LRRC4C: variants seen among roughly 807,000 people sequenced by gnomAD.
LRRC4C encodes the protein leucine rich repeat containing 4C.
Under a neutral mutation model 33.6 loss-of-function variants are expected in LRRC4C, and 5 were observed. The ratio of observed to expected loss-of-function variants is 0.15; its 90% CI spans 0.08 to 0.31. LRRC4C has a LOEUF of 0.31. LRRC4C is among the 10% of genes least tolerant of loss of function. LRRC4C has a pLI of 1.00. For missense variants in LRRC4C, 560 were observed against 796.7 expected (o/e 0.70, Z 3.58); for synonymous variants, 329 against 302.0 (o/e 1.09, Z -0.93).
intron 1 of LRRC4C, among the ~76,000 whole-genome samples, chr11:41,269,741 A>C (rs1416830991): frequency 2.0e-5 from 3 of 152,066 alleles, no homozygotes; most frequent in African/African-American, 7.2e-5. Flanking sequence ...CCTTTATAAT[A>C]ATTTTGGCTT....
intron 2 of LRRC4C, among the ~76,000 whole-genome samples, chr11:40,795,792 A>G (rs1445806037): frequency 6.6e-6 from 1 of 152,226 alleles, no homozygotes; most frequent in African/African-American, 2.4e-5. Context: ...TTTGTGGATT[A>G]TGAAAGACCA....
intron 2 of LRRC4C, among the ~76,000 whole-genome samples, chr11:40,710,942 C>T (rs1000208097): frequency 3.3e-5 from 5 of 152,138 alleles, no homozygotes; most frequent in Non-Finnish European, 5.9e-5. Flanking sequence ...TGCTGCCTCG[C>T]AATATGATCT....
chr11:40,597,087 A>G (rs1959409767), intron 3 of LRRC4C, among the ~76,000 whole-genome samples: 3 of 146,250 alleles, frequency 2.1e-5, no homozygotes, highest in South Asian at 4.5e-4. Context: ...TATTCACAGA[A>G]AAATCATCAG....
intron 3 of LRRC4C, among the ~76,000 whole-genome samples, chr11:40,467,651 G>A (rs999091347): frequency 6.6e-6 from 1 of 152,120 alleles, no homozygotes; most frequent in African/African-American, 2.4e-5. Flanking sequence ...GCAGAAATGA[G>A]TAGATTGTTA....
intron 4 of LRRC4C, among the ~76,000 whole-genome samples, chr11:40,295,179 A>G (rs1046130858): frequency 3.9e-5 from 6 of 152,170 alleles, no homozygotes; most frequent in Non-Finnish European, 7.3e-5. Flanking sequence ...TATTAATATT[A>G]TGTTTACATT....
intron 1 of LRRC4C, among the ~76,000 whole-genome samples, chr11:41,453,697 A>G (rs1956095605): frequency 6.6e-6 from 1 of 151,780 alleles, no homozygotes; most frequent in Non-Finnish European, 1.5e-5. Context: ...TGTATGTGAG[A>G]AGTATAAATA....
intron 1 of LRRC4C, among the ~76,000 whole-genome samples, chr11:41,231,533 G>A (rs1022876605): frequency 1.4e-4 from 21 of 146,812 alleles, no homozygotes; most frequent in African/African-American, 3.3e-4. Context: ...ACCAAACACC[G>A]CATGTTCTCA....
chr11:41,412,656 C>A (rs923105841), intron 1 of LRRC4C, among the ~76,000 whole-genome samples: 4 of 152,132 alleles, frequency 2.6e-5, no homozygotes, highest in Non-Finnish European at 1.5e-5. Context: ...TTAAACAACC[C>A]AAGCTACAAA....
At chr11:40,710,864 G>A (rs1353907151) in intron 2 of LRRC4C, among the ~76,000 whole-genome samples, 2 of 152,196 alleles carry the variant, frequency 1.3e-5, no homozygotes, top group Admixed American at 6.5e-5. Flanking sequence ...CCCAGTTCGA[G>A]CTTCCCAGCT....
chr11:41,287,850 A>G (rs968416852), intron 1 of LRRC4C, among the ~76,000 whole-genome samples: 2 of 152,120 alleles, frequency 1.3e-5, no homozygotes, highest in African/African-American at 4.8e-5. Context: ...GACTGCATGT[A>G]TTATTTATTC....
intron 1 of LRRC4C, among the ~76,000 whole-genome samples, chr11:40,936,067 A>ATATATATATAT (rs1957883987): frequency 1.3e-5 from 1 of 78,122 alleles, no homozygotes; most frequent in African/African-American, 4.0e-5. Context: ...TATATATATA[A>ATATATATATAT]CATAGTTTGA....
chr11:41,121,073 T>C (rs890821045), intron 1 of LRRC4C, among the ~76,000 whole-genome samples: 3 of 152,302 alleles, frequency 2.0e-5, no homozygotes, highest in South Asian at 2.1e-4. Flanking sequence ...TAATTCTTTA[T>C]AGTAGTGTAA....
At chr11:40,262,506 C>A (rs149765190) in intron 4 of LRRC4C, among the ~76,000 whole-genome samples, 1 of 152,162 alleles carries the variant, frequency 6.6e-6, no homozygotes, top group Non-Finnish European at 1.5e-5. Flanking sequence ...GATTATAAAT[C>A]ATTCTCCTAT....
At chr11:40,897,667 C>T (rs189321577) in intron 2 of LRRC4C, among the ~76,000 whole-genome samples, 1 of 152,332 alleles carries the variant, frequency 6.6e-6, no homozygotes, top group East Asian at 1.9e-4. Context: ...GAAGAAGGAA[C>T]ACTTCTGCTA....
intron 2 of LRRC4C, among the ~76,000 whole-genome samples, chr11:40,702,247 G>A (rs1201706243): frequency 6.6e-6 from 1 of 151,890 alleles, no homozygotes; most frequent in Non-Finnish European, 1.5e-5. Context: ...TGTAAAATAT[G>A]GTTGCTTTTA....
chr11:40,680,603 TC>T (rs1462906676), intron 2 of LRRC4C, among the ~76,000 whole-genome samples: 2 of 152,172 alleles, frequency 1.3e-5, no homozygotes, highest in Non-Finnish European at 2.9e-5. Context: ...CATGAGTTTC[TC>T]TGCACAAGCT....
intron 3 of LRRC4C, among the ~76,000 whole-genome samples, chr11:40,385,241 G>A (rs942588783): frequency 1.3e-5 from 2 of 152,084 alleles, no homozygotes; most frequent in Non-Finnish European, 2.9e-5. Context: ...AAATCTGAGT[G>A]AATGATTCAT....
At chr11:41,250,093 C>T (rs147071075) in intron 1 of LRRC4C, among the ~76,000 whole-genome samples, 3 of 152,004 alleles carry the variant, frequency 2.0e-5, no homozygotes, top group Admixed American at 6.6e-5. Context: ...TGCTTTAACC[C>T]AGGAAGCAAA....
chr11:41,198,626 A>G (rs75287311), intron 1 of LRRC4C, among the ~76,000 whole-genome samples: 18 of 28,668 alleles, frequency 6.3e-4, no homozygotes, highest in Non-Finnish European at 2.8e-3. Context: ...AGGGGAGAGG[A>G]AAAAAAAGTA....
Sources: allele counts gnomAD v4.1 joint callset (sites outside exome capture counted in the v4.1 genomes callset), GRCh38; gene constraint gnomAD v4.1.1; transcripts MANE v1.5; gene names NCBI Gene and HGNC (gene_info 2026-07-23, HGNC 2026-07-21).